Variants in CHD9 observed in about 807,000 individuals in gnomAD.
CHD9 encodes chromodomain helicase DNA binding protein 9.
Under a neutral mutation model 316.1 loss-of-function variants are expected in CHD9, and 77 were observed. That is an observed-to-expected ratio of 0.24 (90% confidence interval 0.20 to 0.29). CHD9 has a LOEUF of 0.29. Among genes scored for constraint, CHD9 ranks in the 10% least tolerant of loss-of-function variants. The pLI, the probability that CHD9 is intolerant of heterozygous loss-of-function variation, is 1.00. For missense variants in CHD9, 2,763 were observed against 3,438.1 expected (o/e 0.80, Z 4.91); for synonymous variants, 1,129 against 1,158.3 (o/e 0.97, Z 0.51).
chr16:53,208,806 A>G (rs896764841), intron 2 of CHD9: 2 of 551,932 alleles, frequency 3.6e-6, no homozygotes, highest in Non-Finnish European at 4.6e-6. Context: ...GCTTCCTGTG[A>G]TATTGCTAAA....
Position 53,157,075 on chromosome 16 carries a change from A to C in CHD9, c.986A>C (p.Asn329Thr). ...TCTACTCAGCATATCCTAAACCCCA[A>C]TACATCATTGAATTCAAATAATTTC... ...QESTQHILNP[N>T]TSLNSNNFQI... Residue 329 changes from asparagine (N) to threonine (T), a missense_variant, in exon 2 of 39, where the codon AAT becomes ACT. Physicochemically the swap from Asn to Thr is moderately conservative, Grantham distance 65. Transcript: ENST00000447540. The C allele has an allele frequency of 6.2e-7, 1 of 1,613,072 alleles. No homozygotes were observed. The highest frequency in any genetic ancestry group is 1.1e-5 in the South Asian group (1 of 91,056).
chr16:53,267,237 A>C, intron 20 of CHD9, 57 bp from the exon 21 acceptor site: 2 of 1,189,822 alleles, frequency 1.7e-6, no homozygotes, highest in Non-Finnish European at 2.3e-6. Flanking sequence ...AATGTAGAAC[A>C]CTGTTGTAAG....
chr16:53,292,553 C>T (rs1402701369), intron 28 of CHD9, among the ~76,000 whole-genome samples: 8 of 152,118 alleles, frequency 5.3e-5, no homozygotes, highest in African/African-American at 1.9e-4. Flanking sequence ...AAGTTAAAGC[C>T]TTGAGTATTT....
intron 2 of CHD9, chr16:53,208,362 G>C (rs752072050): frequency 3.8e-5 from 49 of 1,279,318 alleles, no homozygotes; most frequent in Non-Finnish European, 4.8e-5. Context: ...GTGAAAGCCT[G>C]AATGAGTGGG....
At chr16:53,067,115 T>C (rs1174879672) in intron 1 of CHD9, among the ~76,000 whole-genome samples, 1 of 152,140 alleles carries the variant, frequency 6.6e-6, no homozygotes, top group Non-Finnish European at 1.5e-5. Context: ...ACTAATATTT[T>C]TATTTATGGT....
intron 17 of CHD9, among the ~76,000 whole-genome samples, chr16:53,251,233 T>A (rs2050101506): frequency 6.6e-6 from 1 of 152,202 alleles, no homozygotes. Context: ...GTCCACAGGC[T>A]GTAGTTTCCC....
chr16:53,195,549 A>C (rs1435957944), intron 2 of CHD9, among the ~76,000 whole-genome samples: 1 of 152,200 alleles, frequency 6.6e-6, no homozygotes, highest in East Asian at 1.9e-4. Flanking sequence ...CTCAGGGTCT[A>C]GGCTTATGAG....
At chr16:53,250,156 C>A in intron 17 of CHD9, 90 bp downstream of exon 17, 1 of 776,544 alleles carries the variant, frequency 1.3e-6, no homozygotes, top group East Asian at 2.6e-5. Context: ...TTATTTTTAT[C>A]TGGACAAACT....
At chr16:53,087,347 G>A (rs1319631207) in intron 1 of CHD9, among the ~76,000 whole-genome samples, 1 of 152,102 alleles carries the variant, frequency 6.6e-6, no homozygotes, top group Non-Finnish European at 1.5e-5. Context: ...CTGACTGCAG[G>A]GGAATCAGGG....
chr16:53,284,048 A>C (rs574293626), intron 24 of CHD9, among the ~76,000 whole-genome samples: 327 of 152,084 alleles, frequency 2.2e-3, no homozygotes, highest in South Asian at 6.8e-3. Flanking sequence ...TTGTTTGTTT[A>C]TTTTTATATA....
chr16:53,073,123 A>C (rs2034246431), intron 1 of CHD9, among the ~76,000 whole-genome samples: 1 of 152,208 alleles, frequency 6.6e-6, no homozygotes, highest in Admixed American at 6.5e-5. Flanking sequence ...GTACCCGTTA[A>C]ACACTAACTT....
chr16:53,268,263 A>G, intron 22 of CHD9, 137 bp downstream of exon 22: 1 of 647,794 alleles, frequency 1.5e-6, no homozygotes, highest in Non-Finnish European at 2.5e-6. Flanking sequence ...TTCAAGTTCC[A>G]GCTTCAGAAA....
rs144303654 is a variant in CHD9 at position 53,093,318 on chromosome 16, A to G, written c.-165+38241A>G. ...ACTCATCTGCAGAATGTGAATAACA[A>G]TAGTACCCCCATTTATTGGGTTGTT... On this transcript the variant is annotated intron_variant, in intron 1 of 38. Coordinates refer to ENST00000447540, the MANE Select transcript of CHD9 (RefSeq NM_001308319.2). Among the ~76,000 whole-genome samples the G allele has an allele frequency of 2.2e-4, 34 of 152,338 alleles. 1 individual carries two copies. The highest frequency in any genetic ancestry group is 7.9e-4 in the African/African-American group (33 of 41,578).
At chr16:53,211,154 A>G (rs759620155) in intron 3 of CHD9, among the ~76,000 whole-genome samples, 2 of 152,124 alleles carry the variant, frequency 1.3e-5, no homozygotes, top group Non-Finnish European at 1.5e-5. Flanking sequence ...TTGAAAAACA[A>G]TGCATAAAAT....
intron 1 of CHD9, among the ~76,000 whole-genome samples, chr16:53,120,509 A>G (rs2038664306): frequency 6.6e-6 from 1 of 152,178 alleles, no homozygotes; most frequent in Non-Finnish European, 1.5e-5. Flanking sequence ...GCTACTAAGG[A>G]GGCTGAAGCA....
intron 1 of CHD9, among the ~76,000 whole-genome samples, chr16:53,114,982 G>C (rs533365534): frequency 4.6e-5 from 7 of 152,318 alleles, no homozygotes; most frequent in Admixed American, 2.6e-4. Flanking sequence ...GAAGGGATTT[G>C]TTGATGACTT....
At chr16:53,164,261 C>G (rs964229455) in intron 2 of CHD9, among the ~76,000 whole-genome samples, 1 of 152,046 alleles carries the variant, frequency 6.6e-6, no homozygotes, top group African/African-American at 2.4e-5. Flanking sequence ...AGAACCAATG[C>G]CAAAAGAAAA....
intron 1 of CHD9, among the ~76,000 whole-genome samples, chr16:53,099,435 C>G (rs2036647612): frequency 6.6e-6 from 1 of 152,066 alleles, no homozygotes; most frequent in African/African-American, 2.4e-5. Flanking sequence ...CTCACTTTGG[C>G]AGCTAATTAG....
At position 53,198,877 on chromosome 16, in the gene CHD9, A is replaced by G. The variant is rs184040760; in HGVS notation, c.1453-10605A>G. ...AGTTTTCTTAGTTCAGATTTCCTAT[A>G]GATAAGTCTTTGATAGCATGGAATT... On this transcript the variant is annotated intron_variant, in intron 2 of 38. Transcript: ENST00000447540. 8.1e-4 allele frequency among the ~76,000 whole-genome samples: 123 copies of G among 152,320 alleles called. 1 individual carries two copies. The highest frequency in any genetic ancestry group is 2.8e-3 in the African/African-American group (115 of 41,586).
Sources: allele counts gnomAD v4.1 joint callset (sites outside exome capture counted in the v4.1 genomes callset), GRCh38; gene constraint gnomAD v4.1.1; transcripts MANE v1.5; gene names NCBI Gene and HGNC (gene_info 2026-07-23, HGNC 2026-07-21).